Variants in PDE4D observed in about 807,000 individuals in gnomAD.
The protein encoded by PDE4D is 3',5'-cyclic-AMP phosphodiesterase 4D.
Under a neutral mutation model 87.4 loss-of-function variants are expected in PDE4D, and 24 were observed. The ratio of observed to expected loss-of-function variants is 0.27; its 90% CI spans 0.20 to 0.39. The LOEUF (loss-of-function observed/expected upper bound fraction) is 0.39. PDE4D is among the 10% of genes least tolerant of loss of function. The probability of loss-of-function intolerance (pLI) is 1.00; values close to 1 mark genes in which losing one functional copy is unlikely to be tolerated. For missense variants in PDE4D, 714 were observed against 1,041.0 expected (o/e 0.69, Z 4.32); for synonymous variants, 384 against 383.2 (o/e 1.00, Z -0.02).
chr5:59,857,678 G>T (rs1313196905), intron 1 of PDE4D, among the ~76,000 whole-genome samples: 1 of 151,948 alleles, frequency 6.6e-6, no homozygotes, highest in Non-Finnish European at 1.5e-5. Flanking sequence ...TGAGTTTGAT[G>T]CACCAATAAA....
At chr5:60,437,868 T>A (rs1178031220) in intron 1 of PDE4D, among the ~76,000 whole-genome samples, 2 of 152,128 alleles carry the variant, frequency 1.3e-5, no homozygotes, top group Non-Finnish European at 2.9e-5. Flanking sequence ...ATAGAAGCTA[T>A]GATGAATTTT....
At chr5:59,015,191 A>C (rs1173851740) in intron 6 of PDE4D, among the ~76,000 whole-genome samples, 1 of 152,164 alleles carries the variant, frequency 6.6e-6, no homozygotes, top group East Asian at 1.9e-4. Context: ...CCTAAGCAAT[A>C]CCATTCAGGA....
chr5:59,419,465 T>C (rs1174575392), intron 1 of PDE4D, among the ~76,000 whole-genome samples: 1 of 152,238 alleles, frequency 6.6e-6, no homozygotes, highest in Non-Finnish European at 1.5e-5. Context: ...GACAGTTATT[T>C]ATGTTTAGCA....
chr5:58,981,821 C>T (rs1745236835), intron 11 of PDE4D, among the ~76,000 whole-genome samples: 1 of 152,090 alleles, frequency 6.6e-6, no homozygotes, highest in Non-Finnish European at 1.5e-5. Context: ...TTTGTGCTGA[C>T]CTTAATTACA....
intron 2 of PDE4D, among the ~76,000 whole-genome samples, chr5:60,181,770 G>T (rs967318391): frequency 6.6e-6 from 1 of 152,064 alleles, no homozygotes; most frequent in African/African-American, 2.4e-5. Flanking sequence ...ATTTATTAAT[G>T]AATAAGAATT....
intron 1 of PDE4D, among the ~76,000 whole-genome samples, chr5:59,245,779 A>G (rs2153526158): frequency 6.6e-6 from 1 of 152,140 alleles, no homozygotes; most frequent in Non-Finnish European, 1.5e-5. Flanking sequence ...TGTAGACAAT[A>G]TTATACCATG....
chr5:59,700,470 C>A (rs140961326), intron 1 of PDE4D, among the ~76,000 whole-genome samples: 537 of 152,152 alleles, frequency 3.5e-3, no homozygotes, highest in Middle Eastern at 0.01. Context: ...CTTCATGATT[C>A]ACATTTATTG....
chr5:59,516,396 G>T (rs1303926026), intron 1 of PDE4D, among the ~76,000 whole-genome samples: 1 of 152,094 alleles, frequency 6.6e-6, no homozygotes, highest in Non-Finnish European at 1.5e-5. Context: ...ATTCTGGAGG[G>T]ATATGATTTT....
chr5:59,630,189 C>A (rs538849773), intron 1 of PDE4D, among the ~76,000 whole-genome samples: 1 of 152,118 alleles, frequency 6.6e-6, no homozygotes, highest in Admixed American at 6.5e-5. Flanking sequence ...TACGCACATA[C>A]GTCTATATAT....
chr5:59,082,716 A>C (rs1008415137), intron 5 of PDE4D, among the ~76,000 whole-genome samples: 1 of 151,974 alleles, frequency 6.6e-6, no homozygotes, highest in African/African-American at 2.4e-5. Context: ...ACATGGGAAG[A>C]GTCAATATTA....
At chr5:59,966,739 A>G (rs1455076358) in intron 3 of PDE4D, among the ~76,000 whole-genome samples, 1 of 152,190 alleles carries the variant, frequency 6.6e-6, no homozygotes, top group East Asian at 1.9e-4. Flanking sequence ...ATCATTTTCA[A>G]ACTGTTAAAG....
chr5:59,385,630 C>T (rs1355579611), intron 1 of PDE4D, among the ~76,000 whole-genome samples: 1 of 152,150 alleles, frequency 6.6e-6, no homozygotes. Flanking sequence ...GTATACTGCT[C>T]TTGCCCAAGA....
At chr5:59,684,509 C>A (rs904403357) in intron 1 of PDE4D, among the ~76,000 whole-genome samples, 9 of 151,950 alleles carry the variant, frequency 5.9e-5, no homozygotes, top group African/African-American at 2.2e-4. Context: ...TACAGAGTAA[C>A]CTTCATGAAG....
chr5:59,695,368 T>C (rs1580478141), intron 1 of PDE4D, among the ~76,000 whole-genome samples: 1 of 151,784 alleles, frequency 6.6e-6, no homozygotes, highest in South Asian at 2.1e-4. Flanking sequence ...TTTATTGCCA[T>C]AATATTATAC....
intron 2 of PDE4D, among the ~76,000 whole-genome samples, chr5:60,036,844 G>A (rs1438069762): frequency 1.3e-5 from 2 of 152,128 alleles, no homozygotes; most frequent in Non-Finnish European, 2.9e-5. Context: ...GGTTTACTCG[G>A]ACTAAACTGT....
At chr5:59,001,496 C>T (rs1044663845) in intron 6 of PDE4D, among the ~76,000 whole-genome samples, 2 of 152,160 alleles carry the variant, frequency 1.3e-5, no homozygotes, top group Non-Finnish European at 2.9e-5. Flanking sequence ...TACTCCTCTA[C>T]AAAAGGAAGA....
intron 3 of PDE4D, among the ~76,000 whole-genome samples, chr5:59,947,087 A>G (rs976695968): frequency 6.6e-6 from 1 of 152,224 alleles, no homozygotes. Flanking sequence ...TTTGTTGCCA[A>G]TGAGACCAAG....
chr5:60,437,195 G>C (rs183754431), intron 1 of PDE4D, among the ~76,000 whole-genome samples: 1 of 152,052 alleles, frequency 6.6e-6, no homozygotes, highest in South Asian at 2.1e-4. Flanking sequence ...CTCTTTGGAA[G>C]GTACTCAATA....
intron 1 of PDE4D, among the ~76,000 whole-genome samples, chr5:59,347,735 C>T (rs1001257653): frequency 5.9e-5 from 9 of 152,030 alleles, no homozygotes; most frequent in Admixed American, 3.9e-4. Context: ...TTTTACTTTC[C>T]CTCACTGTAT....
Sources: allele counts gnomAD v4.1 joint callset (sites outside exome capture counted in the v4.1 genomes callset), GRCh38; gene constraint gnomAD v4.1.1; transcripts MANE v1.5; gene names NCBI Gene and HGNC (gene_info 2026-07-23, HGNC 2026-07-21).